Variants in IDH3A observed in about 807,000 individuals in gnomAD.
IDH3A encodes the protein isocitrate dehydrogenase [NAD] subunit alpha, mitochondrial.
IDH3A carries 23 observed loss-of-function variants against 43.3 expected under a neutral mutation model. That is an observed-to-expected ratio of 0.53 (90% confidence interval 0.38 to 0.75). The LOEUF is 0.75. Ranked by LOEUF, IDH3A falls within the 30% of genes least tolerant of loss-of-function variation. The pLI is 0.00. For synonymous variants in IDH3A, 154 were observed against 163.5 expected (o/e 0.94, Z 0.44); for missense variants, 329 against 474.4 (o/e 0.69, Z 2.85).
chr15:78,157,864 C>G (rs1164146012), intron 3 of IDH3A, among the ~76,000 whole-genome samples: 1 of 150,050 alleles, frequency 6.7e-6, no homozygotes, highest in Non-Finnish European at 1.5e-5. Context: ...AGGTCTCGCT[C>G]TATTCCCAGG....
chr15:78,170,130 TG>T lies in IDH3A; in HGVS notation c.*1128del, dbSNP rs1277473305. ...CCATGCTGGGGCTTGAGCTTGAGCT[TG>T]GGCTTAGGCTTGGGCTCAGCTTTTG... is the stretch of plus-strand genomic sequence containing the variant. On this transcript the variant is annotated 3_prime_UTR_variant, in exon 11 of 11. Transcript: ENST00000299518. 1 of 152,242 alleles carries T rather than the reference TG, an allele frequency of 6.6e-6. No homozygotes were observed. The highest frequency in any genetic ancestry group is 1.5e-5 in the Non-Finnish European group (1 of 68,050). The allele number at this position is 152,242 out of a possible 1,614,324, so 9.4% of individuals were successfully genotyped here. A position where few individuals can be genotyped will look rare whatever the true frequency, so the allele number is the denominator to read the frequency against.
At chr15:78,162,619 C>T (rs1218622312) in intron 6 of IDH3A, among the ~76,000 whole-genome samples, 1 of 147,486 alleles carries the variant, frequency 6.8e-6, no homozygotes, top group Non-Finnish European at 1.5e-5. Flanking sequence ...GATCTTGGCT[C>T]ACTGCAACCT....
chr15:78,162,343 C>T lies in IDH3A; in HGVS notation c.587C>T (p.Thr196Met), dbSNP rs375984261. ...CGGAACAACCACCGGAGCAACGTCA[C>T]GGCGGTGCACAAAGCCAACATCATG... ...YARNNHRSNV[T>M]AVHKANIMRM... The change falls in exon 6 of 11, where the codon ACG (threonine) becomes ATG (methionine). Residue 196 changes from threonine (T) to methionine (M), a missense_variant. Physicochemically the swap from Thr to Met is moderately conservative, Grantham distance 81. This residue lies in a region of IDH3A where 212 missense variants were observed against 345.5 expected (regional missense o/e 0.61). Coordinates refer to ENST00000299518, the MANE Select transcript of IDH3A (RefSeq NM_005530.3). The T allele has an allele frequency of 3.5e-5, 56 of 1,614,032 alleles. No individual in the cohort carries two copies. The highest frequency in any genetic ancestry group is 4.4e-5 in the Non-Finnish European group (52 of 1,180,036).
intron 3 of IDH3A, among the ~76,000 whole-genome samples, chr15:78,159,576 C>CTGGGAGTGA (rs2074660324): frequency 6.6e-6 from 1 of 152,166 alleles, no homozygotes; most frequent in Non-Finnish European, 1.5e-5. Context: ...CAGGTGGTAG[C>CTGGGAGTGA]TGGGAGTGAT....
chr15:78,153,785 A>T (rs1290147146), intron 1 of IDH3A, among the ~76,000 whole-genome samples: 1 of 152,124 alleles, frequency 6.6e-6, no homozygotes, highest in Non-Finnish European at 1.5e-5. Flanking sequence ...TTGGGTGTCC[A>T]AGGCAGGTGG....
intron 10 of IDH3A, chr15:78,167,726 C>T (rs1248162268): frequency 6.6e-6 from 1 of 152,176 alleles, no homozygotes; most frequent in Non-Finnish European, 1.5e-5. Context: ...AATTTGACTA[C>T]TCTAGGTACC....
chr15:78,160,145 A>G lies in IDH3A; in HGVS notation c.228A>G (p.Gly76=), dbSNP rs1294434816. The G allele has an allele frequency of 3.7e-6, 6 of 1,613,864 alleles. No homozygotes were observed. Among genetic ancestry groups the G allele is most frequent in the Non-Finnish European group, 5.1e-6 (6 of 1,179,780 alleles). The part of the protein sequence containing the change: ...RNVTAIQGPG[G]KWMIPSEAKE... The stretch of plus-strand genomic sequence containing the variant: ...TCACTGCCATTCAAGGACCTGGAGG[A>G]AAGTGGATGATCCCTTCAGAGGCTA... The change falls in exon 4 of 11, where the codon GGA becomes GGG. Residue 76 remains glycine, a synonymous_variant. Transcript: ENST00000299518.
chr15:78,162,158 T>C (rs2074687104), intron 5 of IDH3A, 76 bp from the exon 6 acceptor site: 3 of 1,525,546 alleles, frequency 2.0e-6, no homozygotes, highest in African/African-American at 1.4e-5. Flanking sequence ...AATGTTACTG[T>C]CTACTCCCCA....
At chr15:78,154,905 ATC>A in intron 1 of IDH3A, 1 of 222,056 alleles carries the variant, frequency 4.5e-6, no homozygotes. Flanking sequence ...TCTGAGAAGA[ATC>A]TGTATGTTGA....
rs2074788721 is a variant in IDH3A at position 78,169,165 on chromosome 15, G to A, written c.*160G>A. ...CAAAATCTGTGCAAAAGATGCAGGT[G>A]GATGTCCCTAGGTCTGTTTTCAAAG... On this transcript the variant is annotated 3_prime_UTR_variant, in exon 11 of 11. Transcript: ENST00000299518. The A allele has an allele frequency of 2.1e-6, 1 of 466,062 alleles. No homozygotes were observed. The highest frequency in any genetic ancestry group is 4.2e-5 in the South Asian group (1 of 23,814). 28.9% of individuals were successfully genotyped at this position (466,062 alleles called of 1,614,324 possible). A position where few individuals can be genotyped will look rare whatever the true frequency, so the allele number is the denominator to read the frequency against.
chr15:78,155,440 T>G, intron 2 of IDH3A, 165 bp downstream of exon 2: 1 of 509,152 alleles, frequency 2.0e-6, no homozygotes. Context: ...CACAAATCTG[T>G]TAGGTTACTT....
chr15:78,164,829 G>A (rs963078074), intron 8 of IDH3A, among the ~76,000 whole-genome samples, 163 bp from the exon 9 acceptor site: 2 of 152,252 alleles, frequency 1.3e-5, no homozygotes, highest in East Asian at 1.9e-4. Flanking sequence ...TAAGATGCTC[G>A]AGGCTCATCT....
intron 9 of IDH3A, 109 bp from the exon 10 acceptor site, chr15:78,166,041 G>A (rs991720234): frequency 2.0e-6 from 2 of 1,020,424 alleles, no homozygotes; most frequent in South Asian, 1.4e-5. Context: ...GTAGCTTTCA[G>A]TGCATATTTT....
chr15:78,152,357 C>CTTTT (rs33914139), intron 1 of IDH3A, among the ~76,000 whole-genome samples: 14 of 80,716 alleles, frequency 1.7e-4, no homozygotes, highest in South Asian at 5.0e-4. Flanking sequence ...TGCGCCCGGC[C>CTTTT]TTTTTTTTTT....
At chr15:78,157,824 C>CTTTT (rs1009643108) in intron 3 of IDH3A, among the ~76,000 whole-genome samples, 193 bp downstream of exon 3, 2 of 144,064 alleles carry the variant, frequency 1.4e-5, no homozygotes, top group Non-Finnish European at 3.1e-5. Context: ...TTCTTTCTTT[C>CTTTT]TTTTTTTTTT....
chr15:78,168,969 A>G lies in IDH3A; in HGVS notation c.1065A>G (p.Thr355=). 6.2e-7 allele frequency: 1 copy of G among 1,603,564 alleles called. No homozygotes were observed. The highest frequency in any genetic ancestry group is 2.2e-5 in the East Asian group (1 of 44,674). ...LGGNAKCSDF[T]EEICRRVKDL... is the part of the protein sequence containing the mutation. ...GCAATGCAAAATGCTCAGACTTCAC[A>G]GAGGAAATCTGTCGCCGAGTAAAAG... Residue 355 remains threonine (T), a synonymous_variant, in exon 11 of 11, where the codon ACA becomes ACG. Transcript: ENST00000299518.
Position 78,149,412 on chromosome 15 carries a change from G to T in IDH3A, c.9G>T (p.Gly3=), listed in dbSNP as rs781290745. 5.2e-6 allele frequency: 8 copies of T among 1,552,264 alleles called. No homozygotes were observed. Among genetic ancestry groups the T allele is most frequent in the Non-Finnish European group, 2.6e-6 (3 of 1,156,506 alleles). Residue 3 remains glycine (G), a synonymous_variant, in exon 1 of 11, where the codon GGG becomes GGT. Coordinates refer to ENST00000299518, the MANE Select transcript of IDH3A (RefSeq NM_005530.3). ...AGCCAGGAGGGGAAGCGATGGCTGG[G>T]CCCGCGTGGATCTCTAAGGTGAGCG... The part of the protein sequence containing the change: MA[G]PAWISKVSRL...
Position 78,163,465 on chromosome 15 carries a change from G to GT in IDH3A, c.612-41dup, listed in dbSNP as rs752454348. 39 of 1,395,728 alleles carry GT rather than the reference G, an allele frequency of 2.8e-5. 1 individual carries two copies. The South Asian group carries it at 3.7e-4, about 13-fold the overall frequency. The allele number at this position is 1,395,728 out of a possible 1,614,324, so 86.5% of individuals were successfully genotyped here. A position where few individuals can be genotyped will look rare whatever the true frequency, so the allele number is the denominator to read the frequency against. ...TCTTTGATTTGATTCTTTTCTTTCT[G>GT]TAAGACTTTTTTTTCAGCAGTTTTT... On this transcript the variant is annotated intron_variant, in intron 6 of 10. Transcript: ENST00000299518.
rs751165193 is a variant in IDH3A at position 78,149,438 on chromosome 15, C to T, written c.27+8C>T. The stretch of plus-strand genomic sequence containing the variant: ...CCCGCGTGGATCTCTAAGGTGAGCG[C>T]TGGCAGGCCGGCGTGTGGCAGGCAG... On this transcript the variant is annotated splice_region_variant and intron_variant, in intron 1 of 10. Transcript: ENST00000299518. 1 of 1,540,546 alleles carries T rather than the reference C, an allele frequency of 6.5e-7. No homozygotes were observed. Among genetic ancestry groups the T allele is most frequent in the African/African-American group, 1.4e-5 (1 of 70,380 alleles).
Sources: allele counts gnomAD v4.1 joint callset (sites outside exome capture counted in the v4.1 genomes callset), GRCh38; gene constraint gnomAD v4.1.1; regional missense constraint gnomAD v4.1.1; transcripts MANE v1.5; gene names NCBI Gene and HGNC (gene_info 2026-07-23, HGNC 2026-07-21).